The following USP10 variants were observed in gnomAD, a reference collection of about 807,000 sequenced individuals.
USP10 encodes the protein ubiquitin specific peptidase 10, also known as ubiquitin carboxyl-terminal hydrolase 10.
Under a neutral mutation model 84.5 loss-of-function variants are expected in USP10, and 22 were observed. The ratio of observed to expected loss-of-function variants is 0.26; its 90% CI spans 0.19 to 0.37. USP10 has a LOEUF of 0.37. Among genes scored for constraint, USP10 ranks in the 10% least tolerant of loss-of-function variants. The pLI, the probability that USP10 is intolerant of heterozygous loss-of-function variation, is 1.00. For missense variants in USP10, 1,019 were observed against 998.9 expected (o/e 1.02, Z -0.27); for synonymous variants, 454 against 387.6 (o/e 1.17, Z -2.01).
At chr16:84,768,125 G>T in intron 10 of USP10, 68 bp from the exon 11 acceptor site, 1 of 1,453,178 alleles carries the variant, frequency 6.9e-7, no homozygotes, top group Non-Finnish European at 9.2e-7. Context: ...TTATTCCCTT[G>T]GTTAATCTTA....
intron 1 of USP10, 70 bp downstream of exon 1, chr16:84,700,181 G>A: frequency 8.7e-7 from 1 of 1,149,564 alleles, no homozygotes; most frequent in Non-Finnish European, 1.1e-6. Flanking sequence ...GCGGCGGGCG[G>A]GCGTCCGCGC....
intron 1 of USP10, among the ~76,000 whole-genome samples, chr16:84,730,336 C>G (rs1289005738): frequency 2.6e-5 from 4 of 152,018 alleles, no homozygotes; most frequent in African/African-American, 9.7e-5. Context: ...TTGAAGATCT[C>G]TCGCTGTCTG....
intron 1 of USP10, among the ~76,000 whole-genome samples, chr16:84,708,646 C>T (rs770912717): frequency 6.6e-6 from 1 of 152,174 alleles, no homozygotes; most frequent in Non-Finnish European, 1.5e-5. Context: ...TCTTCTGTCA[C>T]TTTGTTTCAT....
intron 1 of USP10, 55 bp downstream of exon 1, chr16:84,700,166 ACGCCGCGGCGGGCGGG>A: frequency 8.4e-7 from 1 of 1,197,594 alleles, no homozygotes; most frequent in Non-Finnish European, 1.0e-6. Context: ...GGGCGGGCGG[ACGCCGCGGCGGGCGGG>A]CGTCCGCGCC....
chr16:84,772,835 C>T (rs1347675731), intron 12 of USP10, 150 bp downstream of exon 12: 3 of 1,080,546 alleles, frequency 2.8e-6, no homozygotes, highest in Non-Finnish European at 3.8e-6. Flanking sequence ...TTGTAATAGA[C>T]CTTAATACTA....
intron 1 of USP10, among the ~76,000 whole-genome samples, chr16:84,712,284 G>T (rs1906411097): frequency 6.6e-6 from 1 of 152,200 alleles, no homozygotes; most frequent in African/African-American, 2.4e-5. Flanking sequence ...GTAGCGGAAG[G>T]AAGACATGGC....
At chr16:84,771,304 C>T (rs978590775) in intron 11 of USP10, among the ~76,000 whole-genome samples, 10 of 152,178 alleles carry the variant, frequency 6.6e-5, no homozygotes, top group East Asian at 1.9e-4. Context: ...GGAATCCCAG[C>T]ACGGTGGGAG....
chr16:84,706,168 C>T (rs1483471571), intron 1 of USP10, among the ~76,000 whole-genome samples: 1 of 152,140 alleles, frequency 6.6e-6, no homozygotes. Flanking sequence ...CAGGTGTGAG[C>T]CACCGCGCCT....
chr16:84,720,667 C>T (rs994592776), intron 1 of USP10, among the ~76,000 whole-genome samples: 1 of 143,640 alleles, frequency 7.0e-6, no homozygotes, highest in Admixed American at 7.3e-5. Context: ...CTGCAAGCTC[C>T]ACCTCCTGGG....
At chr16:84,740,210 T>C in intron 2 of USP10, 99 bp from the exon 3 acceptor site, 1 of 1,062,084 alleles carries the variant, frequency 9.4e-7, no homozygotes, top group Non-Finnish European at 1.4e-6. Context: ...CAAAGTTGTA[T>C]GGATTAAGAG....
At chr16:84,720,962 CA>C (rs1440642699) in intron 1 of USP10, among the ~76,000 whole-genome samples, 2 of 147,468 alleles carry the variant, frequency 1.4e-5, no homozygotes, top group African/African-American at 2.5e-5. Flanking sequence ...GGCGCGATCT[CA>C]GCTCACGGCA....
intron 9 of USP10, among the ~76,000 whole-genome samples, chr16:84,763,583 C>T (rs1597387798): frequency 6.6e-6 from 1 of 152,240 alleles, no homozygotes; most frequent in Admixed American, 6.5e-5. Context: ...TGTAATGACA[C>T]GGTAATACCG....
chr16:84,712,728 C>G (rs191971797), intron 1 of USP10, among the ~76,000 whole-genome samples: 105 of 152,178 alleles, frequency 6.9e-4, no homozygotes, highest in Non-Finnish European at 1.3e-3. Context: ...CATGAGTGAC[C>G]CCTAAGCTGC....
intron 1 of USP10, among the ~76,000 whole-genome samples, chr16:84,712,944 C>T (rs1008974015): frequency 2.0e-5 from 3 of 152,144 alleles, no homozygotes; most frequent in African/African-American, 4.8e-5. Flanking sequence ...GTGGGGGCTC[C>T]GTGTACTAAA....
intron 1 of USP10, among the ~76,000 whole-genome samples, chr16:84,710,860 G>A (rs866760775): frequency 6.6e-6 from 1 of 152,160 alleles, no homozygotes; most frequent in African/African-American, 2.4e-5. Context: ...GTTGCAGGTC[G>A]TCCGCATGGG....
At chr16:84,724,688 C>T (rs1908231528) in intron 1 of USP10, among the ~76,000 whole-genome samples, 1 of 152,176 alleles carries the variant, frequency 6.6e-6, no homozygotes, top group Non-Finnish European at 1.5e-5. Flanking sequence ...AGTTGGCTTG[C>T]ACTGTAATAA....
chr16:84,721,276 G>C (rs1283698628), intron 1 of USP10, among the ~76,000 whole-genome samples: 3 of 152,252 alleles, frequency 2.0e-5, no homozygotes, highest in Admixed American at 6.5e-5. Flanking sequence ...CCCAGAGTGT[G>C]GATGCCTACA....
intron 4 of USP10, among the ~76,000 whole-genome samples, chr16:84,749,962 G>T (rs1911714698): frequency 6.6e-6 from 1 of 152,102 alleles, no homozygotes; most frequent in Non-Finnish European, 1.5e-5. Flanking sequence ...GAGAGCGTGT[G>T]AACTGAATAC....
chr16:84,757,803 G>A lies in USP10; in HGVS notation c.1193-913G>A, dbSNP rs117472516. On this transcript the variant is annotated intron_variant, in intron 4 of 13. Coordinates refer to ENST00000219473, the MANE Select transcript of USP10 (RefSeq NM_005153.3). The stretch of plus-strand genomic sequence containing the variant: ...CTCCTGTGTGATCACAGGTGAGTTA[G>A]TCAGTCTTTGGGAGCCTCATTTTCC... 2.4e-4 allele frequency among the ~76,000 whole-genome samples: 36 copies of A among 152,264 alleles called. No homozygotes were observed. In the East Asian group the frequency reaches 6.2e-3, roughly 26 times the overall value.
Sources: gnomAD v4.1 joint callset for allele counts (sites outside exome capture counted in the v4.1 genomes callset) on GRCh38, gnomAD v4.1.1 for gene constraint, MANE v1.5 for transcripts, NCBI Gene and HGNC (gene_info 2026-07-23, HGNC 2026-07-21) for gene names.